Variants in AMPD3 observed in about 807,000 individuals in gnomAD.
AMPD3 encodes adenosine monophosphate deaminase 3, also known as AMP deaminase 3.
Under a neutral mutation model 82.3 loss-of-function variants are expected in AMPD3, and 57 were observed. The observed-to-expected ratio is 0.69, with a 90% CI of 0.56 to 0.86. The LOEUF (loss-of-function observed/expected upper bound fraction) is 0.86, where lower values mean the gene tolerates loss of function less well. Among genes scored for constraint, AMPD3 ranks in the 40% least tolerant of loss-of-function variants. The probability of loss-of-function intolerance (pLI) is 0.00; values close to 1 mark genes in which losing one functional copy is unlikely to be tolerated. For missense variants in AMPD3, 870 were observed against 1,003.8 expected, an observed-to-expected ratio of 0.87 and a Z score of 1.80; for synonymous variants, 381 against 394.7, an observed-to-expected ratio of 0.97 and a Z score of 0.41.
At chr11:10,476,465 G>GTT (rs34375327) in intron 2 of AMPD3, among the ~76,000 whole-genome samples, 3,808 of 145,576 alleles carry the variant, frequency 0.026, 75 homozygotes, top group Non-Finnish European at 0.038. Flanking sequence ...GGGCTGTAGT[G>GTT]TTTTTTTTTT....
chr11:10,487,162 A>G lies in AMPD3; in HGVS notation c.810-73A>G. ...CCTTCCAGCCAGGGTTGGCCCCTGC[A>G]GATGCTGGAGGCCTCCAAACTGGAG... On this transcript the variant is annotated intron_variant, in intron 5 of 14. Coordinates refer to ENST00000396553, the MANE Select transcript of AMPD3 (RefSeq NM_001025389.2). The G allele has an allele frequency of 1.9e-6, 3 of 1,607,022 alleles. No individual in the cohort carries two copies. In the East Asian group the frequency reaches 6.7e-5, roughly 36 times the overall value.
chr11:10,504,748 T>A, intron 14 of AMPD3, 89 bp downstream of exon 14: 9 of 1,234,640 alleles, frequency 7.3e-6, no homozygotes, highest in Non-Finnish European at 1.1e-5. Flanking sequence ...GGATCTGTGA[T>A]GAACATAGCA....
intron 4 of AMPD3, among the ~76,000 whole-genome samples, chr11:10,483,963 T>C (rs1848990773): frequency 6.6e-6 from 1 of 152,206 alleles, no homozygotes; most frequent in Admixed American, 6.5e-5. Context: ...ATCAATACAC[T>C]CCTTGGCCAG....
chr11:10,473,036 G>A (rs1241279235), intron 2 of AMPD3, among the ~76,000 whole-genome samples: 1 of 152,094 alleles, frequency 6.6e-6, no homozygotes, highest in African/African-American at 2.4e-5. Flanking sequence ...TTGGGAAGCC[G>A]AGGTGGGTGG....
intron 2 of AMPD3, among the ~76,000 whole-genome samples, chr11:10,468,625 C>T (rs1848491396): frequency 6.6e-6 from 1 of 152,168 alleles, no homozygotes; most frequent in African/African-American, 2.4e-5. Context: ...ACAAAATTAA[C>T]AAGGATATTC....
At chr11:10,459,062 C>T (rs534833858) in intron 1 of AMPD3, among the ~76,000 whole-genome samples, 1 of 152,194 alleles carries the variant, frequency 6.6e-6, no homozygotes, top group East Asian at 1.9e-4. Flanking sequence ...CAGCTTCCCC[C>T]CTCTCTGCTA....
Position 10,484,744 on chromosome 11 carries a change from G to C in AMPD3, c.590-76G>C, listed in dbSNP as rs567223210. 4.8e-4 allele frequency: 740 copies of C among 1,552,248 alleles called. 11 individuals carry two copies. In the South Asian group the frequency reaches 7.9e-3, roughly 17 times the overall value. ...GATTTTGGGCAGGAAGGCCAGCGCA[G>C]GCCTCCGTGTCTTTTGAGCCCATGT... On this transcript the variant is annotated intron_variant, in intron 4 of 14. Coordinates refer to ENST00000396553, the MANE Select transcript of AMPD3 (RefSeq NM_001025389.2).
Position 10,461,527 on chromosome 11 carries a change from G to A in AMPD3, c.8G>A (p.Arg3Gln), listed in dbSNP as rs1363572849. 9.9e-6 allele frequency: 16 copies of A among 1,614,000 alleles called. No individual in the cohort carries two copies. The highest frequency in any genetic ancestry group is 2.2e-5 in the South Asian group (2 of 91,070). ...CTTTCTTTGCTAGCTGAGATGCCGC[G>A]GCAGTTTCCCAAGCTGAACATCTCT... MP[R>Q]QFPKLNISEV... Residue 3 changes from arginine (R) to glutamine (Q), a missense_variant, in exon 2 of 15, where the codon CGG becomes CAG. By Grantham distance (43) the Arg-to-Gln change is conservative. Coordinates refer to ENST00000396553, the MANE Select transcript of AMPD3 (RefSeq NM_001025389.2).
Position 10,505,837 on chromosome 11 carries a change from C to T in AMPD3, c.2257C>T (p.Leu753=), listed in dbSNP as rs768098178. 6.2e-7 allele frequency: 1 copy of T among 1,614,192 alleles called. No individual in the cohort carries two copies. Among genetic ancestry groups the T allele is most frequent in the Non-Finnish European group, 8.5e-7 (1 of 1,180,034 alleles). ...YETLCNELSF[L]SDAMKSEEIT... ...GACCTTATGCAATGAGCTCAGCTTC[C>T]TGTCTGATGCTATGAAATCAGAAGA... Residue 753 remains leucine, a synonymous_variant, in exon 15 of 15, where the codon CTG becomes TTG. Coordinates refer to ENST00000396553, the MANE Select transcript of AMPD3 (RefSeq NM_001025389.2).
At chr11:10,458,868 G>A (rs550720688) in intron 1 of AMPD3, among the ~76,000 whole-genome samples, 58 of 152,286 alleles carry the variant, frequency 3.8e-4, no homozygotes, top group African/African-American at 1.3e-3. Flanking sequence ...TGCCTGGGCT[G>A]TTGGGTTGCA....
rs2071020 is a variant in AMPD3 at position 10,456,681 on chromosome 11, C to T, written c.-6+1233C>T. On this transcript the variant is annotated intron_variant, in intron 1 of 14. Coordinates refer to ENST00000396553, the MANE Select transcript of AMPD3 (RefSeq NM_001025389.2). The surrounding 1 kb of genome is among the most constrained non-coding windows in gnomAD (Gnocchi z 4.3). ...CAGCTAAGCCTCCCAAGCCTGCTGG[C>T]TTCAGCTGACAAAGGGTTGGAAGCC... 0.45 allele frequency: 413,442 copies of T among 917,092 alleles called. 94,349 individuals carry two copies. The highest frequency in any genetic ancestry group is 0.69 in the East Asian group (5,854 of 8,454). The allele number at this position is 917,092 out of a possible 1,614,324, so 56.8% of individuals were successfully genotyped here.
At chr11:10,468,212 C>T (rs1210455641) in intron 2 of AMPD3, among the ~76,000 whole-genome samples, 1 of 152,154 alleles carries the variant, frequency 6.6e-6, no homozygotes, top group Non-Finnish European at 1.5e-5. Flanking sequence ...AATTAAAACA[C>T]ACAGACTGGC....
At chr11:10,452,186 T>G (rs1161240065), upstream of AMPD3, among the ~76,000 whole-genome samples, 2 of 151,748 alleles carry the variant, frequency 1.3e-5, no homozygotes, top group African/African-American at 2.4e-5. Context: ...TTGTAGTTGT[T>G]TTTTTTTGCC....
At chr11:10,479,039 G>A (rs1848826022) in intron 3 of AMPD3, among the ~76,000 whole-genome samples, 1 of 152,318 alleles carries the variant, frequency 6.6e-6, no homozygotes, top group South Asian at 2.1e-4. Flanking sequence ...AGCCTGTTGA[G>A]AAAGGTGCCA....
intron 1 of AMPD3, among the ~76,000 whole-genome samples, chr11:10,460,352 A>G (rs1591439297): frequency 6.8e-6 from 1 of 145,998 alleles, no homozygotes; most frequent in South Asian, 2.2e-4. Flanking sequence ...TCTTGCCTTG[A>G]CCTCCCAAAG....
At chr11:10,496,647 C>A in intron 9 of AMPD3, 165 bp from the exon 10 acceptor site, 1 of 1,448,164 alleles carries the variant, frequency 6.9e-7, no homozygotes, top group Non-Finnish European at 9.3e-7. Context: ...GCAGACATTG[C>A]TGGGAGAGGA....
intron 2 of AMPD3, among the ~76,000 whole-genome samples, chr11:10,475,055 A>G (rs1848699362): frequency 6.6e-6 from 1 of 152,226 alleles, no homozygotes; most frequent in African/African-American, 2.4e-5. Flanking sequence ...AATTTATAAA[A>G]TAATGAGGTA....
chr11:10,482,344 A>G, intron 4 of AMPD3, 119 bp downstream of exon 4: 4 of 1,177,402 alleles, frequency 3.4e-6, no homozygotes, highest in Non-Finnish European at 4.7e-6. Context: ...ATGTTCTTTC[A>G]TTGGCTTCTC....
chr11:10,484,730 G>A, intron 4 of AMPD3, 90 bp from the exon 5 acceptor site: 1 of 1,511,844 alleles, frequency 6.6e-7, no homozygotes, highest in South Asian at 1.1e-5. Flanking sequence ...ATTTTGGGCA[G>A]GAAGGCCAGC....
Sources: gnomAD v4.1 joint callset for allele counts (sites outside exome capture counted in the v4.1 genomes callset) on GRCh38, gnomAD v4.1.1 for gene constraint, Gnocchi (gnomAD v3.1) non-coding constraint, MANE v1.5 for transcripts, NCBI Gene and HGNC (gene_info 2026-07-23, HGNC 2026-07-21) for gene names.